Variants in TYR observed in about 807,000 individuals in gnomAD.
TYR encodes tyrosinase, also known as LB24-AB.
Under a neutral mutation model 51.5 loss-of-function variants are expected in TYR, and 58 were observed. That is an observed-to-expected ratio of 1.13 (90% CI 0.91 to 1.40). The LOEUF is 1.40. Among genes scored for constraint, TYR ranks in the 40% most tolerant of loss-of-function variants. TYR has a pLI of 0.00. For synonymous variants in TYR, 263 were observed against 235.2 expected, an observed-to-expected ratio of 1.12 and a Z score of -1.08; for missense variants, 732 against 647.4, an observed-to-expected ratio of 1.13 and a Z score of -1.42.
chr11:89,233,533 T>G (rs1944076134), intron 3 of TYR, among the ~76,000 whole-genome samples: 1 of 140,226 alleles, frequency 7.1e-6, no homozygotes, highest in Non-Finnish European at 1.5e-5. Context: ...ATCAGAGGAA[T>G]CACTATCTAT....
At position 89,219,055 on chromosome 11, in the gene TYR, A is replaced by C. The variant is rs538580349; in HGVS notation, c.1037-8768A>C. 5.3e-5 allele frequency among the ~76,000 whole-genome samples: 8 copies of C among 152,342 alleles called. No individual in the cohort carries two copies. The South Asian group carries it at 1.7e-3, about 32-fold the overall frequency. On this transcript the variant is annotated intron_variant, in intron 2 of 4. Coordinates refer to ENST00000263321, the MANE Select transcript of TYR (RefSeq NM_000372.5). ...CCTCATATGCTATTGTGAAGATTACATAAGTCAGTATTTGTAAATTACTTA... is the reference window on the plus strand; with the variant it reads ...CCTCATATGCTATTGTGAAGATTACCTAAGTCAGTATTTGTAAATTACTTA...
At chr11:89,295,008 T>C in intron 4 of TYR, 135 bp from the exon 5 acceptor site, 1 of 1,436,476 alleles carries the variant, frequency 7.0e-7, no homozygotes, top group South Asian at 1.3e-5. Flanking sequence ...TTTCCCAAGC[T>C]CTTACAGTTA....
chr11:89,238,896 A>G (rs1318856127), intron 3 of TYR, among the ~76,000 whole-genome samples: 1 of 152,178 alleles, frequency 6.6e-6, no homozygotes, highest in Admixed American at 6.6e-5. Flanking sequence ...TGAAATTTGT[A>G]TATTAACTAT....
At chr11:89,195,156 G>A (rs1329732561) in intron 2 of TYR, among the ~76,000 whole-genome samples, 1 of 152,180 alleles carries the variant, frequency 6.6e-6, no homozygotes, top group African/African-American at 2.4e-5. Flanking sequence ...AAATGCATAT[G>A]AAATGGAATT....
chr11:89,205,815 C>T (rs1009635288), intron 2 of TYR, among the ~76,000 whole-genome samples: 2 of 152,056 alleles, frequency 1.3e-5, no homozygotes, highest in Non-Finnish European at 2.9e-5. Flanking sequence ...ATTCAACAGA[C>T]TTCTGTTGAG....
intron 1 of TYR, among the ~76,000 whole-genome samples, chr11:89,190,196 G>A (rs188255581): frequency 4.3e-4 from 66 of 152,174 alleles, no homozygotes; most frequent in African/African-American, 1.4e-3. Flanking sequence ...AAAAAAGTAA[G>A]TTAACTGTAA....
chr11:89,186,555 TG>T, intron 1 of TYR, among the ~76,000 whole-genome samples: 1 of 152,226 alleles, frequency 6.6e-6, no homozygotes, highest in East Asian at 1.9e-4. Flanking sequence ...TCTCCATCCC[TG>T]GTGGGGTCCT....
intron 3 of TYR, among the ~76,000 whole-genome samples, chr11:89,231,412 A>G (rs1944048825): frequency 6.9e-6 from 1 of 144,684 alleles, no homozygotes; most frequent in African/African-American, 2.7e-5. Flanking sequence ...ATAACGATGG[A>G]TAGATTAAGA....
intron 2 of TYR, among the ~76,000 whole-genome samples, chr11:89,204,065 T>C (rs1406479783): frequency 6.6e-6 from 1 of 152,110 alleles, no homozygotes; most frequent in East Asian, 1.9e-4. Context: ...ATGGAGGCAA[T>C]GTGGAGGACC....
intron 1 of TYR, among the ~76,000 whole-genome samples, chr11:89,187,968 G>A (rs1943397801): frequency 6.6e-6 from 1 of 151,424 alleles, no homozygotes; most frequent in African/African-American, 2.4e-5. Context: ...TAAGTATTGA[G>A]TATTTTATGT....
chr11:89,265,744 G>A (rs1944518748), intron 3 of TYR, among the ~76,000 whole-genome samples: 1 of 151,934 alleles, frequency 6.6e-6, no homozygotes, highest in Admixed American at 6.6e-5. Flanking sequence ...TTTCCATAGT[G>A]GAGATTTAAT....
chr11:89,277,831 G>A (rs375460938), intron 3 of TYR, among the ~76,000 whole-genome samples: 3 of 151,542 alleles, frequency 2.0e-5, no homozygotes, highest in East Asian at 2.0e-4. Flanking sequence ...CCCCTGATGC[G>A]TGCATATCCA....
At chr11:89,283,702 C>A (rs1944746368) in intron 3 of TYR, 1 of 151,790 alleles carries the variant, frequency 6.6e-6, no homozygotes, top group African/African-American at 2.4e-5. Flanking sequence ...TGTCATATGA[C>A]TCGATAATGC....
At chr11:89,207,194 T>G (rs1255108727) in intron 2 of TYR, among the ~76,000 whole-genome samples, 1 of 151,828 alleles carries the variant, frequency 6.6e-6, no homozygotes, top group Non-Finnish European at 1.5e-5. Flanking sequence ...AGCTGGTTTT[T>G]GGGAAATATT....
At chr11:89,196,617 T>A (rs1018610298) in intron 2 of TYR, among the ~76,000 whole-genome samples, 1 of 152,210 alleles carries the variant, frequency 6.6e-6, no homozygotes, top group African/African-American at 2.4e-5. Flanking sequence ...TAATCATAGG[T>A]AGGACCAAGT....
chr11:89,187,739 T>C lies in TYR; in HGVS notation c.820-3463T>C, dbSNP rs1341303139. Among the ~76,000 whole-genome samples, 3 of 152,140 alleles carry C rather than the reference T, an allele frequency of 2.0e-5. No homozygotes were observed. The South Asian group carries it at 6.2e-4, about 32-fold the overall frequency. On this transcript the variant is annotated intron_variant, in intron 1 of 4. Transcript: ENST00000263321. ...GGAAATATCAAAAGAACTCCTCTCA[T>C]AGAATAATTGATTTACTGTTATTGA...
At chr11:89,243,276 A>T (rs1414355594) in intron 3 of TYR, among the ~76,000 whole-genome samples, 2 of 152,128 alleles carry the variant, frequency 1.3e-5, no homozygotes, top group African/African-American at 4.8e-5. Context: ...TCATTCAATA[A>T]ATACTTATTT....
chr11:89,177,970 T>C lies in TYR; in HGVS notation c.17T>C (p.Leu6Ser), dbSNP rs1003993972. 1 of 1,614,176 alleles carries C rather than the reference T, an allele frequency of 6.2e-7. No homozygotes were observed. The highest frequency in any genetic ancestry group is 8.5e-7 in the Non-Finnish European group (1 of 1,180,034). ...AGAGGAAGAATGCTCCTGGCTGTTT[T>C]GTACTGCCTGCTGTGGAGTTTCCAG... MLLAV[L>S]YCLLWSFQTS... Residue 6 changes from leucine to serine, a missense_variant, in exon 1 of 5, where the codon TTG becomes TCG. Physicochemically the swap from Leu to Ser is moderately radical, Grantham distance 145. Transcript: ENST00000263321.
intron 3 of TYR, among the ~76,000 whole-genome samples, chr11:89,264,201 T>A (rs1194618663): frequency 1.3e-5 from 2 of 151,494 alleles, no homozygotes; most frequent in African/African-American, 2.4e-5. Context: ...AAACCCTTTT[T>A]AAAAAAAAAT....
Sources: gnomAD v4.1 joint callset for allele counts (sites outside exome capture counted in the v4.1 genomes callset) on GRCh38, gnomAD v4.1.1 for gene constraint, MANE v1.5 for transcripts, NCBI Gene and HGNC (gene_info 2026-07-23, HGNC 2026-07-21) for gene names.